Variants in ADRA1A observed in about 807,000 individuals in gnomAD.
ADRA1A encodes the protein adrenoceptor alpha 1A, also known as alpha-1A adrenergic receptor.
Under a neutral mutation model 29.6 loss-of-function variants are expected in ADRA1A, and 31 were observed. That is an observed-to-expected ratio of 1.05 (90% CI 0.79 to 1.41). ADRA1A has a LOEUF of 1.41. ADRA1A is among the 40% of genes most tolerant of loss of function. The pLI is 0.00. For missense variants in ADRA1A, 619 were observed against 601.1 expected (o/e 1.03, Z -0.31); for synonymous variants, 311 against 254.3 (o/e 1.22, Z -2.12).
chr8:26,814,008 T>G (rs1193229054), intron 2 of ADRA1A, among the ~76,000 whole-genome samples: 2 of 152,192 alleles, frequency 1.3e-5, no homozygotes, highest in Non-Finnish European at 2.9e-5. Flanking sequence ...CCCACAGATG[T>G]GGTTTGTTTA....
intron 2 of ADRA1A, among the ~76,000 whole-genome samples, chr8:26,846,109 G>A (rs913234806): frequency 4.6e-5 from 7 of 152,206 alleles, no homozygotes; most frequent in Admixed American, 1.3e-4. Context: ...AAAACAAAGT[G>A]AGTAGACAAA....
At chr8:26,753,319 C>T (rs1805003543), downstream of ADRA1A, among the ~76,000 whole-genome samples, 1 of 152,136 alleles carries the variant, frequency 6.6e-6, no homozygotes, top group African/African-American at 2.4e-5. Context: ...TACCACCTTC[C>T]CCTGCTACCT....
downstream of ADRA1A, among the ~76,000 whole-genome samples, chr8:26,751,618 C>A (rs1459066382): frequency 6.6e-6 from 1 of 152,168 alleles, no homozygotes; most frequent in African/African-American, 2.4e-5. Flanking sequence ...TGTAATACTG[C>A]CACACATATC....
intron 2 of ADRA1A, among the ~76,000 whole-genome samples, chr8:26,799,526 C>T (rs1298620645): frequency 1.3e-5 from 2 of 152,184 alleles, no homozygotes; most frequent in East Asian, 1.9e-4. Flanking sequence ...GGGTAATTGC[C>T]TACAAGAATA....
In ADRA1A at chr8:26,805,600, G is replaced by A. The variant is rs750890254; in HGVS notation, c.884-34934C>T. 2.0e-5 allele frequency among the ~76,000 whole-genome samples: 3 copies of A among 152,192 alleles called. No homozygotes were observed. The highest frequency in any genetic ancestry group is 4.4e-5 in the Non-Finnish European group (3 of 68,034). On this transcript the variant is annotated intron_variant, in intron 2 of 2. Coordinates refer to ENST00000380573, the MANE Select transcript of ADRA1A (RefSeq NM_000680.4). The surrounding 1 kb of genome is among the most constrained non-coding windows in gnomAD (Gnocchi z 4.8). Reference sequence around the variant, plus strand: ...ACAGATTACGAAACAGGCATGAGAGGCTAAGTAACTTGCCCAAGGCCATGG... The same window carrying A: ...ACAGATTACGAAACAGGCATGAGAGACTAAGTAACTTGCCCAAGGCCATGG...
At position 26,804,239 on chromosome 8, in the gene ADRA1A, G is replaced by A. The variant is rs556979969; in HGVS notation, c.884-33573C>T. Among the ~76,000 whole-genome samples, 178 of 152,114 alleles carry A rather than the reference G, an allele frequency of 1.2e-3. 2 individuals are homozygous for A. Among genetic ancestry groups the A allele is most frequent in the African/African-American group, 3.8e-3 (157 of 41,498 alleles). On this transcript the variant is annotated intron_variant, in intron 2 of 2. Transcript: ENST00000380573. ...TTCTTGAGAAGTTAAATGTGTATCT[G>A]TCTTAGGACCCATTACTCTCCTTAA...
At chr8:26,784,045 C>T (rs912534509) in intron 2 of ADRA1A, among the ~76,000 whole-genome samples, 1 of 152,008 alleles carries the variant, frequency 6.6e-6, no homozygotes, top group African/African-American at 2.4e-5. Flanking sequence ...TGAATGAGAG[C>T]ATCAAGAAGA....
downstream of ADRA1A, among the ~76,000 whole-genome samples, chr8:26,751,974 AGT>A (rs1804941935): frequency 6.6e-6 from 1 of 152,212 alleles, no homozygotes; most frequent in South Asian, 2.1e-4. Context: ...TCTTCCCAAC[AGT>A]GTGTTCAACA....
In ADRA1A at chr8:26,864,915, C is replaced by A. The variant is rs1359699553; in HGVS notation, c.55G>T (p.Ala19Ser). 1.9e-6 allele frequency: 3 copies of A among 1,613,380 alleles called. No individual in the cohort carries two copies. The highest frequency in any genetic ancestry group is 2.2e-5 in the East Asian group (1 of 44,848). The change falls in exon 2 of 3, where the codon GCA (alanine) becomes TCA (serine). Residue 19 changes from alanine to serine, a missense_variant. Physicochemically the swap from Ala to Ser is moderately conservative, Grantham distance 99. Coordinates refer to ENST00000380573, the MANE Select transcript of ADRA1A (RefSeq NM_000680.4). The surrounding 1 kb of genome is among the most constrained non-coding windows in gnomAD (Gnocchi z 8.1). Reference protein sequence around the residue: ...SDSSNCTQPPAPVNISKAILL... With the variant: ...SDSSNCTQPPSPVNISKAILL... ...ATGGCCTTGGAAATGTTCACCGGTG[C>A]CGGCGGTTGGGTGCAGTTGGAGCTG... is the stretch of plus-strand genomic sequence containing the variant.
chr8:26,768,867 T>C lies in ADRA1A; in HGVS notation c.*1282A>G. ...TATACATAAAGCAAAATATAGCATG[T>C]TCCCCAAGCTCTTGCAGAAAAGTAG... is the stretch of plus-strand genomic sequence containing the variant. On this transcript the variant is annotated 3_prime_UTR_variant, in exon 3 of 3. Transcript: ENST00000380573. 1.0e-6 allele frequency: 1 copy of C among 985,052 alleles called. No homozygotes were observed. The highest frequency in any genetic ancestry group is 1.2e-6 in the Non-Finnish European group (1 of 829,578). 61.0% of individuals were successfully genotyped at this position (985,052 alleles called of 1,614,324 possible).
Position 26,841,186 on chromosome 8 carries a change from C to A in ADRA1A, c.883+22901G>T, listed in dbSNP as rs1234057851. Among the ~76,000 whole-genome samples the A allele has an allele frequency of 6.6e-6, 1 of 152,200 alleles. No individual in the cohort carries two copies. Among genetic ancestry groups the A allele is most frequent in the African/African-American group, 2.4e-5 (1 of 41,452 alleles). On this transcript the variant is annotated intron_variant, in intron 2 of 2. Transcript: ENST00000380573. The surrounding 1 kb of genome is among the most constrained non-coding windows in gnomAD (Gnocchi z 4.4). Reference sequence around the variant, plus strand: ...ATTCAATGAAATAAAGCACATAAAGCATAAACTGAAATCCAAATGGAAAGC... The same window carrying A: ...ATTCAATGAAATAAAGCACATAAAGAATAAACTGAAATCCAAATGGAAAGC...
chr8:26,754,069 G>A (rs116881158), downstream of ADRA1A, among the ~76,000 whole-genome samples: 1 of 152,162 alleles, frequency 6.6e-6, no homozygotes, highest in East Asian at 1.9e-4. Flanking sequence ...TAAAATCAAC[G>A]TGATTGTTTA....
At chr8:26,752,950 G>A (rs1455128876), downstream of ADRA1A, among the ~76,000 whole-genome samples, 1 of 152,200 alleles carries the variant, frequency 6.6e-6, no homozygotes, top group Admixed American at 6.5e-5. Context: ...GAGGAAATGA[G>A]GATTTGGAGA....
chr8:26,783,513 G>A (rs560168695), intron 2 of ADRA1A, among the ~76,000 whole-genome samples: 63 of 152,278 alleles, frequency 4.1e-4, no homozygotes, highest in African/African-American at 1.4e-3. Context: ...TCTTCCGAAG[G>A]CCAAAGAATA....
chr8:26,813,891 A>G (rs1465875456), intron 2 of ADRA1A, among the ~76,000 whole-genome samples: 1 of 152,096 alleles, frequency 6.6e-6, no homozygotes, highest in Non-Finnish European at 1.5e-5. Flanking sequence ...GACAGCTAAC[A>G]TTTTTCTATC....
At chr8:26,785,465 AG>A (rs1314087782) in intron 2 of ADRA1A, among the ~76,000 whole-genome samples, 1 of 152,222 alleles carries the variant, frequency 6.6e-6, no homozygotes, top group Non-Finnish European at 1.5e-5. Flanking sequence ...AGGGTTACAC[AG>A]CCAGTGAGCA....
chr8:26,772,117 CTTTTTTT>C lies in ADRA1A; in HGVS notation c.884-1458_884-1452del, dbSNP rs35838948. The C allele has an allele frequency of 2.4e-3, 322 of 134,288 alleles. 1 individual carries two copies. Among genetic ancestry groups the C allele is most frequent in the African/African-American group, 8.2e-3 (307 of 37,420 alleles). The allele number at this position is 134,288 out of a possible 1,614,324, so 8.3% of individuals were successfully genotyped here. On this transcript the variant is annotated intron_variant, in intron 2 of 2. Transcript: ENST00000380573. ...ATCTGGAGTCTGATGATAATATGGG[CTTTTTTT>C]TTTTTTTTTTGAGTAAACCTATTTT...
At chr8:26,858,543 C>T (rs1813207717) in intron 2 of ADRA1A, among the ~76,000 whole-genome samples, 1 of 152,206 alleles carries the variant, frequency 6.6e-6, no homozygotes, top group African/African-American at 2.4e-5. Context: ...GTTTAAATCT[C>T]AGGCCAACAG....
rs1459197800 is a variant in ADRA1A, at chr8:26,848,240, A to G, written c.883+15847T>C. Reference sequence around the variant, plus strand: ...CCTGGCTACTTCTGGGATTTAAATTAGACACAGTAAGTGCCATGCAAGTAC... The same window carrying G: ...CCTGGCTACTTCTGGGATTTAAATTGGACACAGTAAGTGCCATGCAAGTAC... On this transcript the variant is annotated intron_variant, in intron 2 of 2. Coordinates refer to ENST00000380573, the MANE Select transcript of ADRA1A (RefSeq NM_000680.4). This position sits in a 1 kb window ranked among gnomAD's most constrained non-coding sequence, Gnocchi z 4.3. Among the ~76,000 whole-genome samples, 1 of 152,208 alleles carries G rather than the reference A, an allele frequency of 6.6e-6. No individual in the cohort carries two copies. The highest frequency in any genetic ancestry group is 2.4e-5 in the African/African-American group (1 of 41,452).
Sources: allele counts gnomAD v4.1 joint callset (sites outside exome capture counted in the v4.1 genomes callset), GRCh38; gene constraint gnomAD v4.1.1; non-coding constraint Gnocchi (gnomAD v3.1); transcripts MANE v1.5; gene names NCBI Gene and HGNC (gene_info 2026-07-23, HGNC 2026-07-21).